TRIM33: variants seen among roughly 807,000 people sequenced by gnomAD.
TRIM33 encodes the protein tripartite motif containing 33.
In TRIM33, 20 loss-of-function variants were observed where a neutral mutation model predicts 125.4. The ratio of observed to expected loss-of-function variants is 0.16; its 90% CI spans 0.11 to 0.23. TRIM33 has a LOEUF of 0.23. Ranked by LOEUF, TRIM33 falls within the 10% of genes least tolerant of loss-of-function variation. The pLI is 1.00. For synonymous variants in TRIM33, 564 were observed against 513.9 expected (o/e 1.10, Z -1.32); for missense variants, 920 against 1,411.4 (o/e 0.65, Z 5.58).
In TRIM33 at chr1:114,511,169, A is replaced by G. The variant is rs1653353644; in HGVS notation, c.-93T>C. 2.9e-6 allele frequency: 3 copies of G among 1,034,668 alleles called. No individual in the cohort carries two copies. Among genetic ancestry groups the G allele is most frequent in the South Asian group, 4.4e-5 (1 of 22,478 alleles). The allele number at this position is 1,034,668 out of a possible 1,614,324, so 64.1% of individuals were successfully genotyped here. A position where few individuals can be genotyped will look rare whatever the true frequency, so the allele number is the denominator to read the frequency against. ...CCCAGCCCCAGCCGCAGCCGCAGCA[A>G]GAGCGGCAGCCGAGAGCTAGCGAGA... On this transcript the variant is annotated 5_prime_UTR_variant, in exon 1 of 20. Coordinates refer to ENST00000358465, the MANE Select transcript of TRIM33 (RefSeq NM_015906.4).
chr1:114,502,259 A>C (rs556319413), intron 1 of TRIM33, among the ~76,000 whole-genome samples: 73 of 152,292 alleles, frequency 4.8e-4, no homozygotes, highest in African/African-American at 1.7e-3. Context: ...CATTCTTCCT[A>C]CTGGCCCAAA....
chr1:114,497,021 C>T (rs1196412880), intron 1 of TRIM33, among the ~76,000 whole-genome samples: 1 of 152,196 alleles, frequency 6.6e-6, no homozygotes, highest in Non-Finnish European at 1.5e-5. Flanking sequence ...GCTGTAAAAG[C>T]ATGACATTTA....
intron 13 of TRIM33, 121 bp downstream of exon 13, chr1:114,408,556 T>A (rs2101104345): frequency 1.7e-6 from 1 of 600,866 alleles, no homozygotes; most frequent in African/African-American, 1.9e-5. Context: ...TGGCCATTAT[T>A]TGATCACTGT....
At chr1:114,510,431 G>C (rs1040829002) in intron 1 of TRIM33, 120 bp downstream of exon 1, 1 of 935,364 alleles carries the variant, frequency 1.1e-6, no homozygotes, top group Non-Finnish European at 1.5e-6. Flanking sequence ...TTTCACCTTA[G>C]AGACCCCTCG....
chr1:114,489,017 T>A (rs1570654048), intron 1 of TRIM33, among the ~76,000 whole-genome samples: 1 of 152,184 alleles, frequency 6.6e-6, no homozygotes, highest in African/African-American at 2.4e-5. Flanking sequence ...ACCACTGCAC[T>A]ACAGCCTGGG....
chr1:114,502,886 T>C (rs556490954), intron 1 of TRIM33, among the ~76,000 whole-genome samples: 14 of 152,254 alleles, frequency 9.2e-5, no homozygotes, highest in South Asian at 8.3e-4. Flanking sequence ...AAGAGTGTCA[T>C]TGTGATACAT....
intron 1 of TRIM33, among the ~76,000 whole-genome samples, chr1:114,507,200 G>C (rs967179247): frequency 8.5e-5 from 13 of 152,214 alleles, no homozygotes; most frequent in African/African-American, 3.1e-4. Context: ...CTTCATTCAA[G>C]ACAGTGGTTC....
intron 19 of TRIM33, 36 bp downstream of exon 19, chr1:114,397,904 T>C: frequency 1.9e-6 from 3 of 1,613,904 alleles, no homozygotes; most frequent in Non-Finnish European, 1.7e-6. Context: ...GTAATGCATA[T>C]TCCTTCACCA....
At chr1:114,440,570 C>T (rs1337159822) in intron 4 of TRIM33, among the ~76,000 whole-genome samples, 1 of 152,030 alleles carries the variant, frequency 6.6e-6, no homozygotes, top group African/African-American at 2.4e-5. Flanking sequence ...ATGAAGTATA[C>T]AAAAGACCTC....
intron 1 of TRIM33, among the ~76,000 whole-genome samples, chr1:114,482,128 G>A (rs1208053019): frequency 6.6e-6 from 1 of 152,062 alleles, no homozygotes; most frequent in East Asian, 1.9e-4. Context: ...CATGATTACT[G>A]AATACCTGAA....
chr1:114,467,597 C>T (rs1272230471), intron 1 of TRIM33, among the ~76,000 whole-genome samples: 3 of 152,164 alleles, frequency 2.0e-5, no homozygotes, highest in Non-Finnish European at 4.4e-5. Context: ...ACATTTTCAA[C>T]TGCAAACCAC....
At chr1:114,426,011 G>T (rs1180519087) in intron 8 of TRIM33, among the ~76,000 whole-genome samples, 1 of 152,114 alleles carries the variant, frequency 6.6e-6, no homozygotes, top group Non-Finnish European at 1.5e-5. Context: ...TTATCTATTA[G>T]AAGAGGCCTA....
At chr1:114,479,578 A>G (rs188222346) in intron 1 of TRIM33, among the ~76,000 whole-genome samples, 134 of 152,304 alleles carry the variant, frequency 8.8e-4, no homozygotes, top group Non-Finnish European at 1.4e-3. Flanking sequence ...AATTTGAGAG[A>G]AAGTCACACT....
At chr1:114,402,929 C>G (rs765081980) in intron 15 of TRIM33, 46 bp from the exon 16 acceptor site, 8 of 1,559,454 alleles carry the variant, frequency 5.1e-6, no homozygotes, top group African/African-American at 1.4e-5. Flanking sequence ...ATAAGAAAGC[C>G]TGCTCTAGAG....
chr1:114,394,403 A>G lies in TRIM33; in HGVS notation c.*3245T>C. The G allele has an allele frequency of 1.4e-5, 3 of 221,002 alleles. No homozygotes were observed. Among genetic ancestry groups the G allele is most frequent in the Non-Finnish European group, 2.7e-5 (3 of 110,040 alleles). The allele number at this position is 221,002 out of a possible 1,614,324, so 13.7% of individuals were successfully genotyped here. ...GGGCATAGTTGGAAGACCTGAATCT[A>G]TTATCTTATTAACACTAATCACTAA... On this transcript the variant is annotated 3_prime_UTR_variant, in exon 20 of 20. Coordinates refer to ENST00000358465, the MANE Select transcript of TRIM33 (RefSeq NM_015906.4).
intron 1 of TRIM33, chr1:114,468,381 C>T (rs530944556): frequency 6.1e-6 from 2 of 326,312 alleles, no homozygotes; most frequent in South Asian, 5.3e-5. Flanking sequence ...AGCAGCAGTC[C>T]TTTAGTTAGA....
chr1:114,507,163 T>C (rs1266530481), intron 1 of TRIM33, among the ~76,000 whole-genome samples: 8 of 152,214 alleles, frequency 5.3e-5, no homozygotes, highest in Non-Finnish European at 1.0e-4. Context: ...GAAGTCAAAG[T>C]CTGAGGAGAC....
At chr1:114,446,231 A>G (rs1648970162) in intron 4 of TRIM33, among the ~76,000 whole-genome samples, 1 of 152,224 alleles carries the variant, frequency 6.6e-6, no homozygotes, top group South Asian at 2.1e-4. Context: ...GAAATGCTGG[A>G]GAATATTCAT....
chr1:114,420,845 A>G (rs1355710162), intron 11 of TRIM33, among the ~76,000 whole-genome samples: 1 of 152,192 alleles, frequency 6.6e-6, no homozygotes, highest in African/African-American at 2.4e-5. Flanking sequence ...AACTGTTGTC[A>G]CCATGCAATG....
Sources: allele counts gnomAD v4.1 joint callset (sites outside exome capture counted in the v4.1 genomes callset), GRCh38; gene constraint gnomAD v4.1.1; transcripts MANE v1.5; gene names NCBI Gene and HGNC (gene_info 2026-07-23, HGNC 2026-07-21).